WAC: variants seen among roughly 807,000 people sequenced by gnomAD.
WAC encodes the protein WW domain-containing adapter protein with coiled-coil.
In WAC, 11 loss-of-function variants were observed where a neutral mutation model predicts 79.6. The observed-to-expected ratio is 0.14, with a 90% CI of 0.09 to 0.23. The LOEUF (loss-of-function observed/expected upper bound fraction) is 0.23, where lower values mean the gene tolerates loss of function less well. WAC is among the 10% of genes least tolerant of loss of function. The pLI is 1.00. For missense variants in WAC, 728 were observed against 773.5 expected (o/e 0.94, Z 0.70); for synonymous variants, 304 against 276.9 (o/e 1.10, Z -0.97).
At position 28,533,477 on chromosome 10, in the gene WAC, G is replaced by T. The variant is rs1243132538; in HGVS notation, c.-103G>T. On this transcript the variant is annotated 5_prime_UTR_variant, in exon 1 of 14. Transcript: ENST00000354911. ...CGCCGAGGGCGCGCCGGGCCCAGGT[G>T]CCGGGGCTGCCCGCCGCCCGCCGCC... is the stretch of plus-strand genomic sequence containing the variant. 10 of 662,786 alleles carry T rather than the reference G, an allele frequency of 1.5e-5. No individual in the cohort carries two copies. Among genetic ancestry groups the T allele is most frequent in the East Asian group, 2.5e-4 (2 of 7,984 alleles). 41.1% of individuals were successfully genotyped at this position (662,786 alleles called of 1,614,324 possible).
At chr10:28,534,120 C>A in intron 2 of WAC, 86 bp downstream of exon 2, 1 of 1,309,802 alleles carries the variant, frequency 7.6e-7, no homozygotes, top group Non-Finnish European at 1.0e-6. Flanking sequence ...CCTCAGAAGT[C>A]GATACAGGCC....
chr10:28,597,803 A>G, intron 7 of WAC, among the ~76,000 whole-genome samples: 1 of 152,174 alleles, frequency 6.6e-6, no homozygotes, highest in Non-Finnish European at 1.5e-5. Flanking sequence ...TTATTCTTAA[A>G]CATTCTCACC....
intron 7 of WAC, among the ~76,000 whole-genome samples, chr10:28,598,560 T>C (rs1001034143): frequency 1.3e-5 from 2 of 152,214 alleles, no homozygotes; most frequent in Non-Finnish European, 2.9e-5. Flanking sequence ...TGATGCTAAT[T>C]GTCTTATGTT....
At chr10:28,607,000 T>A (rs550035370) in intron 7 of WAC, among the ~76,000 whole-genome samples, 1 of 152,336 alleles carries the variant, frequency 6.6e-6, no homozygotes, top group South Asian at 2.1e-4. Flanking sequence ...TGCTTTATTT[T>A]ACATTGTCCT....
intron 12 of WAC, 149 bp downstream of exon 12, chr10:28,616,511 TATATA>T (rs1486167113): frequency 3.9e-6 from 3 of 769,188 alleles, no homozygotes; most frequent in Non-Finnish European, 5.7e-6. Flanking sequence ...AAATATTTGA[TATATA>T]AGATAACTTT....
rs1018849989 is a variant in WAC, at chr10:28,533,479, C to G, written c.-101C>G. On this transcript the variant is annotated 5_prime_UTR_variant, in exon 1 of 14. Transcript: ENST00000354911. ...CCGAGGGCGCGCCGGGCCCAGGTGC[C>G]GGGGCTGCCCGCCGCCCGCCGCCGC... 2 of 691,780 alleles carry G rather than the reference C, an allele frequency of 2.9e-6. No individual in the cohort carries two copies. Among genetic ancestry groups the G allele is most frequent in the Middle Eastern group, 5.8e-4 (1 of 1,718 alleles). The allele number at this position is 691,780 out of a possible 1,614,324, so 42.9% of individuals were successfully genotyped here. A position where few individuals can be genotyped will look rare whatever the true frequency, so the allele number is the denominator to read the frequency against.
At chr10:28,580,600 T>G (rs1304190041) in intron 3 of WAC, among the ~76,000 whole-genome samples, 2 of 152,140 alleles carry the variant, frequency 1.3e-5, no homozygotes, top group African/African-American at 4.8e-5. Flanking sequence ...TAAGATTAGG[T>G]TTTTTTCCAT....
intron 3 of WAC, among the ~76,000 whole-genome samples, chr10:28,575,936 G>A (rs1464691479): frequency 1.3e-5 from 2 of 152,134 alleles, no homozygotes; most frequent in African/African-American, 2.4e-5. Flanking sequence ...GTTTAGATAT[G>A]CTTAGATACA....
At chr10:28,543,760 C>T (rs1033134142) in intron 3 of WAC, among the ~76,000 whole-genome samples, 16 of 152,188 alleles carry the variant, frequency 1.1e-4, no homozygotes, top group Non-Finnish European at 1.2e-4. Context: ...AAAAGAAAGT[C>T]ACCTTGTATC....
At position 28,616,231 on chromosome 10, in the gene WAC, A is replaced by G. The variant is rs938272965; in HGVS notation, c.1615A>G (p.Asn539Asp). ...NHTSNSSNAS[N>D]ATVVPQNSSA... is the part of the protein sequence containing the mutation. ...TACTTCTAATAGTAGTAATGCATCAAATGCAACAGTTGTACCACAGAATTC... is the reference window on the plus strand; with the variant it reads ...TACTTCTAATAGTAGTAATGCATCAGATGCAACAGTTGTACCACAGAATTC... The change falls in exon 12 of 14, where the codon AAT (asparagine) becomes GAT (aspartate). Residue 539 changes from asparagine (N) to aspartate (D), a missense_variant. Transcript: ENST00000354911. 22 of 1,613,700 alleles carry G rather than the reference A, an allele frequency of 1.4e-5. No homozygotes were observed. The East Asian group carries it at 3.1e-4, about 23-fold the overall frequency.
At chr10:28,609,071 C>T (rs182658772) in intron 8 of WAC, among the ~76,000 whole-genome samples, 21 of 152,230 alleles carry the variant, frequency 1.4e-4, no homozygotes, top group Admixed American at 7.2e-4. Flanking sequence ...CAGATTCACA[C>T]GTTAATTCCT....
chr10:28,590,732 A>G lies in WAC; in HGVS notation c.510A>G (p.Gln170=). Reference sequence around the variant, plus strand: ...TTTTTATTTTTAGAGAACAGAGACAAAAAGAAGCAAACAAGATGGCAGTCA... The same window carrying G: ...TTTTTATTTTTAGAGAACAGAGACAGAAAGAAGCAAACAAGATGGCAGTCA... The part of the protein sequence containing the change: ...PKEWLEREQR[Q]KEANKMAVNS... Residue 170 remains glutamine, a synonymous_variant, in exon 6 of 14, where the codon CAA becomes CAG. Coordinates refer to ENST00000354911, the MANE Select transcript of WAC (RefSeq NM_016628.5). The G allele has an allele frequency of 1.9e-6, 3 of 1,604,810 alleles. No individual in the cohort carries two copies. Among genetic ancestry groups the G allele is most frequent in the Non-Finnish European group, 2.6e-6 (3 of 1,176,308 alleles).
chr10:28,603,932 T>TAAAAAAAAAA (rs1840764939), intron 7 of WAC, among the ~76,000 whole-genome samples: 1 of 27,616 alleles, frequency 3.6e-5, no homozygotes, highest in Non-Finnish European at 5.8e-5. Flanking sequence ...AGACTCCGTC[T>TAAAAAAAAAA]CAAAAAAAAA....
At chr10:28,588,188 AT>A (rs1839917625) in intron 4 of WAC, among the ~76,000 whole-genome samples, 1 of 152,092 alleles carries the variant, frequency 6.6e-6, no homozygotes, top group Non-Finnish European at 1.5e-5. Context: ...TTGCATAATA[AT>A]TTATGTATAG....
At chr10:28,580,862 G>A (rs927470546) in intron 3 of WAC, among the ~76,000 whole-genome samples, 1 of 152,056 alleles carries the variant, frequency 6.6e-6, no homozygotes, top group African/African-American at 2.4e-5. Flanking sequence ...TGTGAGGTTT[G>A]GTGATTCTCT....
At chr10:28,532,937 A>C (rs1342000769), upstream of WAC, 1 of 153,142 alleles carries the variant, frequency 6.5e-6, no homozygotes, top group African/African-American at 2.4e-5. Context: ...GAGGAAAAGA[A>C]GGAAAGGGCA....
At chr10:28,614,902 GC>G (rs1841409851) in intron 11 of WAC, 3 of 371,836 alleles carry the variant, frequency 8.1e-6, no homozygotes, top group Non-Finnish European at 1.4e-5. Context: ...GAAGAAAGTG[GC>G]TCTTTAAAAT....
rs772355648 is a variant in WAC at position 28,533,670 on chromosome 10, G to GC, written c.41+50_41+51insC. The stretch of plus-strand genomic sequence containing the variant: ...CGGGCGGCGGCGGGGGGCGGCGGCG[G>GC]GGGGGCTGTTCCTCCTTATCTGGAG... On this transcript the variant is annotated intron_variant, in intron 1 of 13. Coordinates refer to ENST00000354911, the MANE Select transcript of WAC (RefSeq NM_016628.5). 19 of 1,519,764 alleles carry GC rather than the reference G, an allele frequency of 1.3e-5. 2 individuals are homozygous for GC. In the African/African-American group the frequency reaches 2.4e-4, roughly 19 times the overall value. 94.1% of individuals were successfully genotyped at this position (1,519,764 alleles called of 1,614,324 possible).
intron 3 of WAC, among the ~76,000 whole-genome samples, chr10:28,541,415 G>GTGTGTTTT (rs1212601285): frequency 1.1e-3 from 41 of 37,888 alleles, no homozygotes; most frequent in Non-Finnish European, 1.5e-3. Context: ...GTGTGTGTGT[G>GTGTGTTTT]TTTTGTTTTT....
Sources: gnomAD v4.1 joint callset for allele counts (sites outside exome capture counted in the v4.1 genomes callset) on GRCh38, gnomAD v4.1.1 for gene constraint, MANE v1.5 for transcripts, NCBI Gene and HGNC (gene_info 2026-07-23, HGNC 2026-07-21) for gene names.